ATG10: variants seen among roughly 807,000 people sequenced by gnomAD.
ATG10 encodes the protein autophagy related 10, also known as ubiquitin-like-conjugating enzyme ATG10.
Under a neutral mutation model 32.1 loss-of-function variants are expected in ATG10, and 30 were observed. The ratio of observed to expected loss-of-function variants is 0.94; its 90% CI spans 0.70 to 1.27. The LOEUF (loss-of-function observed/expected upper bound fraction) is 1.27. Among genes scored for constraint, ATG10 ranks in the 50% most tolerant of loss-of-function variants. The probability of loss-of-function intolerance (pLI) is 0.00; values close to 1 mark genes in which losing one functional copy is unlikely to be tolerated. For synonymous variants in ATG10, 87 were observed against 91.5 expected, an observed-to-expected ratio of 0.95 and a Z score of 0.28; for missense variants, 233 against 262.3, an observed-to-expected ratio of 0.89 and a Z score of 0.77.
intron 2 of ATG10, among the ~76,000 whole-genome samples, chr5:82,030,752 A>G (rs1762721421): frequency 6.6e-6 from 1 of 152,230 alleles, no homozygotes; most frequent in Non-Finnish European, 1.5e-5. Flanking sequence ...TAAATTCTAT[A>G]TAATCCCTAC....
chr5:82,024,749 G>C (rs1019751263), intron 2 of ATG10, among the ~76,000 whole-genome samples: 3 of 152,224 alleles, frequency 2.0e-5, no homozygotes, highest in Admixed American at 1.3e-4. Context: ...ACCCTGAATG[G>C]TTAATAAGCT....
chr5:82,049,546 A>G (rs998036760), intron 2 of ATG10, among the ~76,000 whole-genome samples: 4 of 151,996 alleles, frequency 2.6e-5, no homozygotes, highest in Non-Finnish European at 5.9e-5. Flanking sequence ...AACTTAAAGT[A>G]TAATAATAAT....
At chr5:82,012,486 A>G (rs1358928338) in intron 2 of ATG10, among the ~76,000 whole-genome samples, 3 of 152,116 alleles carry the variant, frequency 2.0e-5, no homozygotes, top group South Asian at 4.2e-4. Flanking sequence ...GATTGAATCT[A>G]TGCATCACTT....
chr5:82,185,473 A>G (rs1307997282), intron 5 of ATG10, among the ~76,000 whole-genome samples: 1 of 152,238 alleles, frequency 6.6e-6, no homozygotes, highest in Non-Finnish European at 1.5e-5. Context: ...ACAGAGTGGA[A>G]TAGGAGAAGC....
intron 3 of ATG10, among the ~76,000 whole-genome samples, chr5:82,127,169 T>G (rs1766313016): frequency 6.6e-6 from 1 of 152,188 alleles, no homozygotes; most frequent in Non-Finnish European, 1.5e-5. Context: ...GATTCTTTTC[T>G]GTTTTCTTCT....
At chr5:82,089,245 G>C (rs1036098075) in intron 3 of ATG10, among the ~76,000 whole-genome samples, 1 of 152,000 alleles carries the variant, frequency 6.6e-6, no homozygotes, top group East Asian at 1.9e-4. Flanking sequence ...AGGAGGCTAA[G>C]GTAGGAGAAT....
chr5:82,256,131 T>C lies in ATG10; in HGVS notation c.*2068T>C, dbSNP rs764465171. On this transcript the variant is annotated 3_prime_UTR_variant, in exon 8 of 8. Coordinates refer to ENST00000282185, the MANE Select transcript of ATG10 (RefSeq NM_031482.5). ...GTGTAAAATAAATTATAATAATGTG[T>C]CATCTGAATGGTGTTCTTGTCTGCA... The C allele has an allele frequency of 6.6e-6, 1 of 152,346 alleles. No homozygotes were observed. Among genetic ancestry groups the C allele is most frequent in the Middle Eastern group, 3.4e-3 (1 of 294 alleles). 9.4% of individuals were successfully genotyped at this position (152,346 alleles called of 1,614,324 possible). A position where few individuals can be genotyped will look rare whatever the true frequency, so the allele number is the denominator to read the frequency against.
intron 2 of ATG10, among the ~76,000 whole-genome samples, chr5:82,038,589 G>T (rs1458223762): frequency 1.3e-5 from 2 of 152,094 alleles, no homozygotes; most frequent in African/African-American, 2.4e-5. Context: ...AATACACTGG[G>T]ATTCTTCACA....
At chr5:82,023,077 C>G (rs1172735688) in intron 2 of ATG10, among the ~76,000 whole-genome samples, 1 of 151,262 alleles carries the variant, frequency 6.6e-6, no homozygotes, top group African/African-American at 2.4e-5. Flanking sequence ...CCCCAGCAAA[C>G]TTTAGTTGCC....
At chr5:82,167,713 T>A (rs1743637428) in intron 4 of ATG10, among the ~76,000 whole-genome samples, 1 of 152,202 alleles carries the variant, frequency 6.6e-6, no homozygotes, top group Non-Finnish European at 1.5e-5. Flanking sequence ...TCCACTTCTA[T>A]AAACACGTAT....
chr5:82,038,447 G>A (rs1329620716), intron 2 of ATG10, among the ~76,000 whole-genome samples: 1 of 152,214 alleles, frequency 6.6e-6, no homozygotes, highest in African/African-American at 2.4e-5. Flanking sequence ...AGAATGGCAG[G>A]GTCACAGTGT....
chr5:82,139,391 A>C (rs1175482460), intron 3 of ATG10, among the ~76,000 whole-genome samples: 1 of 145,808 alleles, frequency 6.9e-6, no homozygotes, highest in Admixed American at 6.7e-5. Context: ...CCATCTAGGA[A>C]GTGAGGAGCG....
chr5:82,053,991 T>C (rs1763508242), intron 2 of ATG10, among the ~76,000 whole-genome samples: 1 of 152,272 alleles, frequency 6.6e-6, no homozygotes. Context: ...AGATGAGCTA[T>C]GGTGTTCATG....
At chr5:81,990,627 TG>T (rs1293112388) in intron 2 of ATG10, among the ~76,000 whole-genome samples, 1 of 152,242 alleles carries the variant, frequency 6.6e-6, no homozygotes, top group Admixed American at 6.5e-5. Flanking sequence ...AGCCTTCTGT[TG>T]GCTGCCACTG....
chr5:82,033,512 C>T (rs985951837), intron 2 of ATG10, among the ~76,000 whole-genome samples: 2 of 151,826 alleles, frequency 1.3e-5, no homozygotes, highest in African/African-American at 4.8e-5. Flanking sequence ...TATATTGCTC[C>T]CTTCTTGAAG....
chr5:82,029,626 T>C (rs895493599), intron 2 of ATG10, among the ~76,000 whole-genome samples: 1 of 152,168 alleles, frequency 6.6e-6, no homozygotes, highest in Non-Finnish European at 1.5e-5. Context: ...AGTAGTGGCA[T>C]GATGGGTAGA....
At chr5:82,091,251 C>T (rs1042357466) in intron 3 of ATG10, among the ~76,000 whole-genome samples, 2 of 152,038 alleles carry the variant, frequency 1.3e-5, no homozygotes, top group Non-Finnish European at 2.9e-5. Flanking sequence ...TTTCTTTTTT[C>T]AAGAGATGGT....
chr5:82,139,538 C>T (rs1438788138), intron 3 of ATG10, among the ~76,000 whole-genome samples: 30 of 147,454 alleles, frequency 2.0e-4, no homozygotes, highest in Non-Finnish European at 3.2e-4. Context: ...GCCGAGACCC[C>T]GTCTGGGAGG....
At position 82,178,452 on chromosome 5, in the gene ATG10, T is replaced by C. The variant is rs747361263; in HGVS notation, c.356-38T>C. ...TGACACCAAGCACCATTGTGTCACA[T>C]GAATTACTAACTCAGTCTTTACCAT... On this transcript the variant is annotated intron_variant, in intron 4 of 7. Transcript: ENST00000282185. The C allele has an allele frequency of 3.2e-6, 4 of 1,265,884 alleles. No homozygotes were observed. The East Asian group carries it at 9.3e-5, about 29-fold the overall frequency. The allele number at this position is 1,265,884 out of a possible 1,614,324, so 78.4% of individuals were successfully genotyped here.
Sources: gnomAD v4.1 joint callset for allele counts (sites outside exome capture counted in the v4.1 genomes callset) on GRCh38, gnomAD v4.1.1 for gene constraint, MANE v1.5 for transcripts, NCBI Gene and HGNC (gene_info 2026-07-23, HGNC 2026-07-21) for gene names.